The following CTNNA3 variants were observed in gnomAD, a reference collection of about 807,000 sequenced individuals.
CTNNA3 encodes catenin alpha 3, also known as catenin alpha-3.
A neutral mutation model predicts 95.7 loss-of-function variants in CTNNA3; 76 were observed. The ratio of observed to expected loss-of-function variants is 0.79; its 90% CI spans 0.66 to 0.96. CTNNA3 has a LOEUF of 0.96. CTNNA3 is among the 40% of genes least tolerant of loss of function. The pLI is 0.00. For synonymous variants in CTNNA3, 431 were observed against 374.4 expected, an observed-to-expected ratio of 1.15 and a Z score of -1.74; for missense variants, 1,191 against 1,089.8, an observed-to-expected ratio of 1.09 and a Z score of -1.31.
intron 10 of CTNNA3, among the ~76,000 whole-genome samples, chr10:66,602,494 G>C (rs1034208452): frequency 6.6e-6 from 1 of 151,628 alleles, no homozygotes; most frequent in Non-Finnish European, 1.5e-5. Flanking sequence ...CTAATATTTA[G>C]CTCCACAAGC....
intron 7 of CTNNA3, among the ~76,000 whole-genome samples, chr10:66,924,349 G>A (rs1419524420): frequency 3.3e-5 from 5 of 152,010 alleles, no homozygotes; most frequent in South Asian, 2.1e-4. Flanking sequence ...AGCTCTCCAC[G>A]GTTTTCCACA....
At position 65,994,407 on chromosome 10, in the gene CTNNA3, G is replaced by T. The variant is rs143567649; in HGVS notation, c.2160-5610C>A. On this transcript the variant is annotated intron_variant, in intron 15 of 17. Transcript: ENST00000433211. ...ATAGCTGAAGGATCAATTTTGCTGG[G>T]TATAGTGTTCTGGATTGACATTTTT... 2.1e-3 allele frequency among the ~76,000 whole-genome samples: 313 copies of T among 151,528 alleles called. 1 individual carries two copies. Among genetic ancestry groups the T allele is most frequent in the African/African-American group, 7.3e-3 (301 of 41,370 alleles).
At chr10:67,159,706 T>C (rs1242897541) in intron 7 of CTNNA3, among the ~76,000 whole-genome samples, 1 of 152,048 alleles carries the variant, frequency 6.6e-6, no homozygotes, top group Non-Finnish European at 1.5e-5. Flanking sequence ...CCTTACAACA[T>C]ATACAAAAAT....
chr10:67,303,116 A>C (rs769837565), intron 5 of CTNNA3, among the ~76,000 whole-genome samples: 1 of 152,216 alleles, frequency 6.6e-6, no homozygotes, highest in African/African-American at 2.4e-5. Flanking sequence ...TTTGAGAACC[A>C]CTGACATAAG....
chr10:66,529,732 A>C (rs2631219), intron 10 of CTNNA3, among the ~76,000 whole-genome samples: 84,870 of 151,888 alleles, frequency 0.56, 24,584 homozygotes, highest in Middle Eastern at 0.74. Flanking sequence ...CCTGAGAAAG[A>C]TCTTATCAGT....
At chr10:66,639,951 G>A (rs976916461) in intron 9 of CTNNA3, among the ~76,000 whole-genome samples, 3 of 151,942 alleles carry the variant, frequency 2.0e-5, no homozygotes, top group Admixed American at 6.6e-5. Context: ...TACTACGGAT[G>A]AACTGTGCAC....
chr10:66,166,276 A>G (rs1477071128), intron 13 of CTNNA3, among the ~76,000 whole-genome samples: 1 of 151,966 alleles, frequency 6.6e-6, no homozygotes, highest in Non-Finnish European at 1.5e-5. Context: ...GTTCAAGACC[A>G]GCCTGGCCAA....
chr10:66,610,612 T>C (rs1052943456), intron 10 of CTNNA3, among the ~76,000 whole-genome samples: 2 of 152,092 alleles, frequency 1.3e-5, no homozygotes, highest in Non-Finnish European at 2.9e-5. Flanking sequence ...ATAGCTATTA[T>C]TAAAAGGACA....
chr10:67,326,986 G>A (rs1359070278), intron 5 of CTNNA3, among the ~76,000 whole-genome samples: 1 of 152,034 alleles, frequency 6.6e-6, no homozygotes, highest in African/African-American at 2.4e-5. Flanking sequence ...TTCAAGCTCT[G>A]GGATTCTTTC....
At chr10:66,062,686 G>A (rs908021113) in intron 15 of CTNNA3, among the ~76,000 whole-genome samples, 1 of 152,110 alleles carries the variant, frequency 6.6e-6, no homozygotes, top group Non-Finnish European at 1.5e-5. Context: ...TCAAGCACAA[G>A]AGATTATCAG....
intron 11 of CTNNA3, among the ~76,000 whole-genome samples, chr10:66,503,273 T>C (rs1013571639): frequency 1.3e-5 from 2 of 152,188 alleles, no homozygotes; most frequent in African/African-American, 4.8e-5. Flanking sequence ...GGTTGTTCTA[T>C]CTTTAAAACA....
At chr10:66,644,506 A>G (rs1477433393) in intron 9 of CTNNA3, among the ~76,000 whole-genome samples, 2 of 149,604 alleles carry the variant, frequency 1.3e-5, no homozygotes, top group Non-Finnish European at 3.0e-5. Context: ...TACACAATAT[A>G]TTAGACACTA....
intron 7 of CTNNA3, among the ~76,000 whole-genome samples, chr10:67,082,836 G>C (rs1857118113): frequency 6.6e-6 from 1 of 152,176 alleles, no homozygotes; most frequent in Non-Finnish European, 1.5e-5. Context: ...TCTAAACTGG[G>C]TAGTCTGGGG....
At chr10:66,003,929 G>A (rs919886139) in intron 15 of CTNNA3, among the ~76,000 whole-genome samples, 6 of 152,076 alleles carry the variant, frequency 3.9e-5, no homozygotes, top group African/African-American at 1.4e-4. Context: ...CCATAATTGC[G>A]CACATCACAT....
chr10:67,252,087 C>T (rs572682351), intron 5 of CTNNA3, among the ~76,000 whole-genome samples: 6 of 151,640 alleles, frequency 4.0e-5, no homozygotes, highest in Non-Finnish European at 5.9e-5. Context: ...GGTGTGTGCC[C>T]GAAGTCCCAG....
intron 3 of CTNNA3, among the ~76,000 whole-genome samples, chr10:67,554,894 C>T (rs1042304216): frequency 3.9e-5 from 6 of 152,140 alleles, no homozygotes; most frequent in Non-Finnish European, 8.8e-5. Context: ...TTAGGTCTGA[C>T]ATTTAAGTCT....
chr10:66,213,640 A>G (rs1356326144), intron 13 of CTNNA3, among the ~76,000 whole-genome samples: 1 of 152,170 alleles, frequency 6.6e-6, no homozygotes, highest in Non-Finnish European at 1.5e-5. Flanking sequence ...TTGGCCTCCT[A>G]AATCAGTTTT....
At chr10:67,167,356 A>C (rs1589815606) in intron 7 of CTNNA3, among the ~76,000 whole-genome samples, 1 of 152,092 alleles carries the variant, frequency 6.6e-6, no homozygotes, top group Non-Finnish European at 1.5e-5. Context: ...CCTAATTGTT[A>C]TCTCTCTGTG....
chr10:66,251,045 G>A (rs1034652129), intron 13 of CTNNA3, among the ~76,000 whole-genome samples: 2 of 152,072 alleles, frequency 1.3e-5, no homozygotes, highest in Non-Finnish European at 2.9e-5. Flanking sequence ...GGTGATTCCT[G>A]CTCCAATAAT....
Sources: gnomAD v4.1 joint callset for allele counts (sites outside exome capture counted in the v4.1 genomes callset) on GRCh38, gnomAD v4.1.1 for gene constraint, MANE v1.5 for transcripts, NCBI Gene and HGNC (gene_info 2026-07-23, HGNC 2026-07-21) for gene names.